Variants in CSMD1 observed in about 807,000 individuals in gnomAD.
CSMD1 encodes CUB and Sushi multiple domains 1.
A neutral mutation model predicts 417.5 loss-of-function variants in CSMD1; 213 were observed. The ratio of observed to expected loss-of-function variants is 0.51; its 90% CI spans 0.46 to 0.57. CSMD1 has a LOEUF of 0.57. CSMD1 is among the 20% of genes least tolerant of loss of function. The pLI is 0.00. For missense variants in CSMD1, 6,923 were observed against 4,529.7 expected (o/e 1.53, Z -15.17); for synonymous variants, 2,862 against 1,736.8 (o/e 1.65, Z -16.11).
chr8:3,786,313 T>A (rs1584996076), intron 5 of CSMD1, among the ~76,000 whole-genome samples: 1 of 151,994 alleles, frequency 6.6e-6, no homozygotes, highest in Non-Finnish European at 1.5e-5. Context: ...GAGACAAAAA[T>A]CCTCTGTCTG....
At chr8:4,147,600 G>T (rs540974663) in intron 3 of CSMD1, among the ~76,000 whole-genome samples, 1 of 152,134 alleles carries the variant, frequency 6.6e-6, no homozygotes, top group Non-Finnish European at 1.5e-5. Context: ...AATAATATCG[G>T]TTCCCTAATG....
At chr8:3,881,670 A>G (rs1308057251) in intron 5 of CSMD1, among the ~76,000 whole-genome samples, 1 of 151,912 alleles carries the variant, frequency 6.6e-6, no homozygotes, top group African/African-American at 2.4e-5. Flanking sequence ...CAACAAAAGA[A>G]AACAAAAAAA....
At chr8:3,395,178 C>CGTGTG (rs1563343462) in intron 17 of CSMD1, among the ~76,000 whole-genome samples, 1 of 152,098 alleles carries the variant, frequency 6.6e-6, no homozygotes, top group African/African-American at 2.4e-5. Flanking sequence ...TAAAATCATA[C>CGTGTG]GTGTGGGTAT....
intron 3 of CSMD1, among the ~76,000 whole-genome samples, chr8:4,161,455 T>C (rs916939293): frequency 2.6e-5 from 4 of 152,220 alleles, no homozygotes; most frequent in African/African-American, 7.2e-5. Context: ...CTGGAATAAG[T>C]TGAATGGCTT....
At chr8:3,493,748 G>C (rs770108148) in intron 10 of CSMD1, 22 bp from the exon 11 acceptor site, 5 of 1,580,086 alleles carry the variant, frequency 3.2e-6, no homozygotes, top group Non-Finnish European at 4.3e-6. Context: ...GTACGAAACA[G>C]TGACTTAGAA....
intron 3 of CSMD1, among the ~76,000 whole-genome samples, chr8:4,395,573 G>A (rs886460448): frequency 6.6e-6 from 1 of 151,716 alleles, no homozygotes; most frequent in Non-Finnish European, 1.5e-5. Context: ...CTGAAAGAAA[G>A]GCCAAGAGGA....
intron 54 of CSMD1, among the ~76,000 whole-genome samples, chr8:2,986,328 A>G (rs935911874): frequency 4.6e-5 from 7 of 152,078 alleles, no homozygotes; most frequent in South Asian, 2.1e-4. Context: ...TTGATTCTTC[A>G]TCTAAGAAAA....
chr8:4,856,103 C>A (rs1801784583), intron 1 of CSMD1, among the ~76,000 whole-genome samples: 1 of 151,862 alleles, frequency 6.6e-6, no homozygotes, highest in South Asian at 2.1e-4. Flanking sequence ...GAGTGGGGGC[C>A]AATATTCAAC....
chr8:3,347,305 T>C (rs1057431834), intron 22 of CSMD1, among the ~76,000 whole-genome samples: 1 of 152,230 alleles, frequency 6.6e-6, no homozygotes, highest in Non-Finnish European at 1.5e-5. Flanking sequence ...TTTATTGAAA[T>C]ACTTACAGGA....
intron 5 of CSMD1, among the ~76,000 whole-genome samples, chr8:3,760,370 T>G (rs759064619): frequency 1.1e-4 from 17 of 152,196 alleles, no homozygotes; most frequent in Non-Finnish European, 1.8e-4. Flanking sequence ...AGAGTTAAAA[T>G]AAATGGAGGA....
chr8:3,879,053 G>C (rs1483709175), intron 5 of CSMD1, among the ~76,000 whole-genome samples: 4 of 152,116 alleles, frequency 2.6e-5, no homozygotes, highest in Non-Finnish European at 5.9e-5. Context: ...AGTTCTCTAA[G>C]AACAGGGATA....
At chr8:3,602,081 A>G (rs929664018) in intron 8 of CSMD1, among the ~76,000 whole-genome samples, 1 of 152,236 alleles carries the variant, frequency 6.6e-6, no homozygotes, top group South Asian at 2.1e-4. Flanking sequence ...GGTCATGGTT[A>G]TACAACCATA....
At chr8:3,864,535 G>A (rs193301512) in intron 5 of CSMD1, among the ~76,000 whole-genome samples, 225 of 152,278 alleles carry the variant, frequency 1.5e-3, no homozygotes, top group African/African-American at 5.1e-3. Context: ...TGTTACATAT[G>A]TATACATGTG....
chr8:3,882,318 T>C (rs149786793), intron 5 of CSMD1, among the ~76,000 whole-genome samples: 85 of 152,248 alleles, frequency 5.6e-4, no homozygotes, highest in Non-Finnish European at 8.5e-4. Flanking sequence ...TCATTAGCAG[T>C]CAGATAAATT....
intron 5 of CSMD1, among the ~76,000 whole-genome samples, chr8:3,865,619 C>G (rs766063048): frequency 2.6e-5 from 4 of 152,096 alleles, no homozygotes; most frequent in Non-Finnish European, 5.9e-5. Context: ...ATGTGTTATT[C>G]CTTCATGTAT....
intron 3 of CSMD1, among the ~76,000 whole-genome samples, chr8:4,103,923 G>A (rs1051514961): frequency 6.6e-6 from 1 of 152,122 alleles, no homozygotes; most frequent in African/African-American, 2.4e-5. Flanking sequence ...ACAGCTTTGT[G>A]CCTGTGTTGC....
chr8:4,278,385 T>C (rs1020018535), intron 3 of CSMD1, among the ~76,000 whole-genome samples: 13 of 152,178 alleles, frequency 8.5e-5, no homozygotes, highest in Admixed American at 6.5e-4. Context: ...AATTATCAGC[T>C]ATACAGAATA....
chr8:4,381,018 G>C (rs1277998118), intron 3 of CSMD1, among the ~76,000 whole-genome samples: 1 of 152,110 alleles, frequency 6.6e-6, no homozygotes, highest in Non-Finnish European at 1.5e-5. Context: ...TCATTTCTCA[G>C]GGCAAATGGG....
chr8:3,238,426 T>C (rs1047689364), intron 26 of CSMD1, among the ~76,000 whole-genome samples: 1 of 151,938 alleles, frequency 6.6e-6, no homozygotes, highest in Non-Finnish European at 1.5e-5. Flanking sequence ...CTTATATTAA[T>C]AAGAAAAATA....
Sources: allele counts gnomAD v4.1 joint callset (sites outside exome capture counted in the v4.1 genomes callset), GRCh38; gene constraint gnomAD v4.1.1; transcripts MANE v1.5; gene names NCBI Gene and HGNC (gene_info 2026-07-23, HGNC 2026-07-21).